The following GLRA3 variants were observed in gnomAD, a reference collection of about 807,000 sequenced individuals.
The protein encoded by GLRA3 is glycine receptor alpha 3, also known as glycine receptor subunit alpha-3.
A neutral mutation model predicts 60.4 loss-of-function variants in GLRA3; 44 were observed. The ratio of observed to expected loss-of-function variants is 0.73; its 90% CI spans 0.57 to 0.94. GLRA3 has a LOEUF of 0.94. Ranked by LOEUF, GLRA3 falls within the 40% of genes least tolerant of loss-of-function variation. The probability of loss-of-function intolerance (pLI) is 0.00; values close to 1 mark genes in which losing one functional copy is unlikely to be tolerated. For missense variants in GLRA3, 508 were observed against 564.6 expected, an observed-to-expected ratio of 0.90 and a Z score of 1.02; for synonymous variants, 223 against 192.9, an observed-to-expected ratio of 1.16 and a Z score of -1.29.
At chr4:174,801,112 T>C (rs533168478) in intron 1 of GLRA3, among the ~76,000 whole-genome samples, 4 of 152,020 alleles carry the variant, frequency 2.6e-5, no homozygotes, top group Admixed American at 1.3e-4. Flanking sequence ...CTCAGGATAT[T>C]TTCAACTTAT....
intron 5 of GLRA3, among the ~76,000 whole-genome samples, chr4:174,707,965 A>AACACC (rs1282150143): frequency 1.3e-5 from 2 of 152,308 alleles, no homozygotes; most frequent in East Asian, 3.9e-4. Context: ...CATAGGATGG[A>AACACC]ATACTTAATG....
At chr4:174,785,936 GTTTTTTTTTTTTT>G (rs752488665) in intron 2 of GLRA3, among the ~76,000 whole-genome samples, 3 of 103,472 alleles carry the variant, frequency 2.9e-5, no homozygotes, top group South Asian at 3.6e-4. Context: ...TGCCTGGCTA[GTTTTTTTTTTTTT>G]TTTTTTTTTT....
intron 4 of GLRA3, among the ~76,000 whole-genome samples, chr4:174,719,019 G>T (rs1047866738): frequency 2.2e-5 from 3 of 136,208 alleles, no homozygotes; most frequent in Non-Finnish European, 4.6e-5. Context: ...CTGGAGTGCA[G>T]TGGCGCAATC....
intron 1 of GLRA3, among the ~76,000 whole-genome samples, chr4:174,826,899 A>G (rs1243510747): frequency 6.8e-6 from 1 of 147,050 alleles, no homozygotes; most frequent in East Asian, 2.0e-4. Flanking sequence ...TCTATAGGAA[A>G]TCCTCTTTTG....
intron 5 of GLRA3, among the ~76,000 whole-genome samples, chr4:174,688,317 T>TTATATATATATA (rs1734627732): frequency 1.4e-5 from 1 of 71,344 alleles, no homozygotes; most frequent in Non-Finnish European, 2.6e-5. Context: ...TTACCTGACA[T>TTATATATATATA]CATATATATA....
At chr4:174,803,092 A>G (rs1254057869) in intron 1 of GLRA3, among the ~76,000 whole-genome samples, 2 of 152,038 alleles carry the variant, frequency 1.3e-5, no homozygotes, top group African/African-American at 4.8e-5. Flanking sequence ...ATTATTTGAG[A>G]TTTCTTAAAT....
At chr4:174,699,825 T>TA in intron 5 of GLRA3, among the ~76,000 whole-genome samples, 1 of 150,356 alleles carries the variant, frequency 6.7e-6, no homozygotes, top group Non-Finnish European at 1.5e-5. Context: ...ATTAATAATT[T>TA]ATTTGTTAAT....
At chr4:174,796,777 C>T (rs1034649542) in intron 1 of GLRA3, among the ~76,000 whole-genome samples, 1 of 152,052 alleles carries the variant, frequency 6.6e-6, no homozygotes, top group African/African-American at 2.4e-5. Context: ...TTTCGTGATC[C>T]ACCCTTCTCA....
At chr4:174,674,835 C>T (rs150464290) in intron 7 of GLRA3, among the ~76,000 whole-genome samples, 64 of 152,214 alleles carry the variant, frequency 4.2e-4, no homozygotes, top group East Asian at 1.2e-3. Flanking sequence ...TTAAGGTGCA[C>T]GGTCTCACAC....
intron 5 of GLRA3, among the ~76,000 whole-genome samples, chr4:174,686,754 C>A (rs896447049): frequency 4.6e-5 from 7 of 152,152 alleles, no homozygotes; most frequent in African/African-American, 1.7e-4. Context: ...AGGTGAGGCA[C>A]TTCAGGCTCA....
chr4:174,744,205 C>T (rs1022918484), intron 3 of GLRA3, among the ~76,000 whole-genome samples: 1 of 152,238 alleles, frequency 6.6e-6, no homozygotes, highest in Non-Finnish European at 1.5e-5. Context: ...GCTTGGGACC[C>T]AGAGGGTTGT....
chr4:174,659,195 A>G lies in GLRA3; in HGVS notation c.930T>C (p.Val310=), dbSNP rs1733333344. ...SSGSRASLPK[V]SYVKAIDIWM... ...AAATATCAATAGCTTTGACATATGA[A>G]ACCTAGCCAAGAGAGAAAGAGAAAG... is the stretch of plus-strand genomic sequence containing the variant. Residue 310 remains valine, a splice_region_variant and synonymous_variant, in exon 8 of 10, where the codon GTT becomes GTC. Transcript: ENST00000274093. 1 of 1,609,332 alleles carries G rather than the reference A, an allele frequency of 6.2e-7. No homozygotes were observed. Among genetic ancestry groups the G allele is most frequent in the African/African-American group, 1.3e-5 (1 of 74,768 alleles).
chr4:174,803,067 AC>A (rs2111346750), intron 1 of GLRA3, among the ~76,000 whole-genome samples: 1 of 152,202 alleles, frequency 6.6e-6, no homozygotes, highest in Non-Finnish European at 1.5e-5. Context: ...GAAATATATG[AC>A]AAAAATTAGT....
intron 1 of GLRA3, among the ~76,000 whole-genome samples, chr4:174,792,368 C>A (rs1739385948): frequency 6.6e-6 from 1 of 151,962 alleles, no homozygotes; most frequent in Non-Finnish European, 1.5e-5. Flanking sequence ...TCACGTGTGT[C>A]TGTTCTAACT....
At chr4:174,807,780 A>C (rs1242499000) in intron 1 of GLRA3, among the ~76,000 whole-genome samples, 1 of 152,118 alleles carries the variant, frequency 6.6e-6, no homozygotes, top group Non-Finnish European at 1.5e-5. Context: ...CAGTGTTTTC[A>C]ATCCAGTTTT....
At chr4:174,753,786 G>A in intron 3 of GLRA3, among the ~76,000 whole-genome samples, 1 of 152,106 alleles carries the variant, frequency 6.6e-6, no homozygotes, top group Non-Finnish European at 1.5e-5. Context: ...ACATATCTTT[G>A]CCATTACATT....
intron 1 of GLRA3, among the ~76,000 whole-genome samples, chr4:174,801,838 C>T (rs1739824134): frequency 6.6e-6 from 1 of 151,946 alleles, no homozygotes. Context: ...AAATGTGTCT[C>T]AAGTCTGTCT....
At chr4:174,818,850 T>C (rs570147598) in intron 1 of GLRA3, among the ~76,000 whole-genome samples, 1 of 152,170 alleles carries the variant, frequency 6.6e-6, no homozygotes, top group Non-Finnish European at 1.5e-5. Flanking sequence ...TAAATGTAAG[T>C]CACTTCTTAT....
At position 174,642,891 on chromosome 4, in the gene GLRA3, T is replaced by C; in HGVS notation, c.*895A>G. On this transcript the variant is annotated 3_prime_UTR_variant, in exon 10 of 10. Transcript: ENST00000274093. Reference sequence around the variant, plus strand: ...ATCCCATTGAATTTTAAAGTCACATTCTAAACTAAAATATAAAAGTCTTAC... The same window carrying C: ...ATCCCATTGAATTTTAAAGTCACATCCTAAACTAAAATATAAAAGTCTTAC... 1.4e-6 allele frequency: 1 copy of C among 729,740 alleles called. No homozygotes were observed. Among genetic ancestry groups the C allele is most frequent in the Non-Finnish European group, 1.7e-6 (1 of 597,102 alleles). The allele number at this position is 729,740 out of a possible 1,614,324, so 45.2% of individuals were successfully genotyped here.
Sources: allele counts gnomAD v4.1 joint callset (sites outside exome capture counted in the v4.1 genomes callset), GRCh38; gene constraint gnomAD v4.1.1; transcripts MANE v1.5; gene names NCBI Gene and HGNC (gene_info 2026-07-23, HGNC 2026-07-21).